The following RANBP10 variants were observed in gnomAD, a reference collection of about 807,000 sequenced individuals.
The protein encoded by RANBP10 is RAN binding protein 10, also known as ran-binding protein 10.
In RANBP10, 24 loss-of-function variants were observed where a neutral mutation model predicts 72.8. That is an observed-to-expected ratio of 0.33 (90% confidence interval 0.24 to 0.46). RANBP10 has a LOEUF of 0.46. Ranked by LOEUF, RANBP10 falls within the 20% of genes least tolerant of loss-of-function variation. RANBP10 has a pLI of 1.00. For synonymous variants in RANBP10, 310 were observed against 322.3 expected (o/e 0.96, Z 0.41); for missense variants, 679 against 817.5 (o/e 0.83, Z 2.07).
chr16:67,755,717 G>GAC (rs1157826441), intron 3 of RANBP10, among the ~76,000 whole-genome samples: 94 of 151,138 alleles, frequency 6.2e-4, no homozygotes, highest in African/African-American at 2.3e-3. Flanking sequence ...AGGACAAGTG[G>GAC]ACATGGCTGC....
intron 2 of RANBP10, among the ~76,000 whole-genome samples, chr16:67,803,590 T>C (rs1042850137): frequency 7.3e-6 from 1 of 136,394 alleles, no homozygotes; most frequent in African/African-American, 2.8e-5. Flanking sequence ...GCGGAGGTTG[T>C]GGTGAGCTGA....
At chr16:67,734,508 T>C (rs1009491253) in intron 6 of RANBP10, among the ~76,000 whole-genome samples, 4 of 152,166 alleles carry the variant, frequency 2.6e-5, no homozygotes, top group African/African-American at 9.7e-5. Flanking sequence ...ATACTCCCTA[T>C]GGTAGAAAAA....
chr16:67,735,158 C>T (rs1042640705), intron 5 of RANBP10, 116 bp from the exon 6 acceptor site: 36 of 1,057,346 alleles, frequency 3.4e-5, no homozygotes, highest in Non-Finnish European at 4.7e-5. Flanking sequence ...TGCAGCAAGG[C>T]TGGAGGAGGC....
intron 3 of RANBP10, among the ~76,000 whole-genome samples, chr16:67,754,346 C>CT (rs1370301646): frequency 3.3e-5 from 5 of 152,166 alleles, no homozygotes; most frequent in Admixed American, 1.3e-4. Context: ...GGACAGAAAA[C>CT]TTTGAGTGAA....
chr16:67,802,576 T>A (rs532305050), intron 2 of RANBP10, among the ~76,000 whole-genome samples: 5 of 152,052 alleles, frequency 3.3e-5, no homozygotes, highest in Non-Finnish European at 7.4e-5. Flanking sequence ...AAGTAGAGGT[T>A]GCAATGAGCC....
intron 3 of RANBP10, among the ~76,000 whole-genome samples, chr16:67,750,871 A>G (rs1374279017): frequency 7.1e-6 from 1 of 141,448 alleles, no homozygotes; most frequent in African/African-American, 2.7e-5. Flanking sequence ...GGTTCACGCC[A>G]TTCTCCTGCC....
intron 2 of RANBP10, among the ~76,000 whole-genome samples, chr16:67,781,469 T>C (rs1478826666): frequency 2.6e-5 from 4 of 152,142 alleles, no homozygotes; most frequent in African/African-American, 9.7e-5. Context: ...AACACTTCTC[T>C]ACCAGGGCCT....
intron 4 of RANBP10, among the ~76,000 whole-genome samples, chr16:67,740,533 T>C (rs2053949327): frequency 6.6e-6 from 1 of 152,048 alleles, no homozygotes; most frequent in Admixed American, 6.6e-5. Context: ...CCCTGCAAAA[T>C]AGAACAGGGT....
At chr16:67,757,075 G>C (rs1025622922) in intron 3 of RANBP10, among the ~76,000 whole-genome samples, 4 of 152,240 alleles carry the variant, frequency 2.6e-5, no homozygotes, top group African/African-American at 9.6e-5. Context: ...GGGCGTGGTG[G>C]CGCGTGCCTG....
At chr16:67,794,416 GAC>G (rs2055087949) in intron 2 of RANBP10, among the ~76,000 whole-genome samples, 1 of 151,316 alleles carries the variant, frequency 6.6e-6, no homozygotes, top group Non-Finnish European at 1.5e-5. Flanking sequence ...CAGCCTGGGT[GAC>G]ACAGCGAGAC....
intron 2 of RANBP10, among the ~76,000 whole-genome samples, 188 bp downstream of exon 2, chr16:67,805,240 A>G (rs1175782731): frequency 6.6e-6 from 1 of 152,146 alleles, no homozygotes; most frequent in Admixed American, 6.6e-5. Context: ...TTTACCCCCA[A>G]CACACCCACT....
chr16:67,738,791 C>T lies in RANBP10; in HGVS notation c.569-756G>A, dbSNP rs1173832026. 2.0e-5 allele frequency: 3 copies of T among 152,264 alleles called. No homozygotes were observed. The East Asian group carries it at 5.8e-4, about 30-fold the overall frequency. The allele number at this position is 152,264 out of a possible 1,614,324, so 9.4% of individuals were successfully genotyped here. On this transcript the variant is annotated intron_variant, in intron 4 of 13. Coordinates refer to ENST00000317506, the MANE Select transcript of RANBP10 (RefSeq NM_020850.3). The stretch of plus-strand genomic sequence containing the variant: ...TTTAATTAGACCATGGCCTTCTCTT[C>T]ACTGGCGGCCTGGCCAGAAGTGAAA...
At chr16:67,772,861 C>A (rs1451684234) in intron 2 of RANBP10, among the ~76,000 whole-genome samples, 1 of 152,196 alleles carries the variant, frequency 6.6e-6, no homozygotes, top group Admixed American at 6.5e-5. Context: ...TCCCCTTAGA[C>A]AATCCACTCA....
At chr16:67,743,279 C>T (rs2054003939) in intron 4 of RANBP10, among the ~76,000 whole-genome samples, 1 of 152,224 alleles carries the variant, frequency 6.6e-6, no homozygotes, top group Non-Finnish European at 1.5e-5. Context: ...CCTTTCCTGG[C>T]AGAGCTGCTG....
intron 2 of RANBP10, among the ~76,000 whole-genome samples, chr16:67,774,704 G>A (rs1378856647): frequency 1.3e-5 from 2 of 152,174 alleles, no homozygotes; most frequent in Non-Finnish European, 2.9e-5. Context: ...ATTCCAATGA[G>A]GTCACAGCTG....
chr16:67,765,238 A>G (rs1291755880), intron 3 of RANBP10, among the ~76,000 whole-genome samples: 4 of 151,568 alleles, frequency 2.6e-5, no homozygotes, highest in African/African-American at 9.7e-5. Flanking sequence ...ACATTAAAAA[A>G]TAAATTAGCC....
chr16:67,764,617 C>T (rs1172577650), intron 3 of RANBP10, among the ~76,000 whole-genome samples: 2 of 152,234 alleles, frequency 1.3e-5, no homozygotes, highest in Non-Finnish European at 2.9e-5. Context: ...TCCCATAGGG[C>T]TTGTCAATCC....
At chr16:67,728,583 A>C (rs1324175213) in intron 10 of RANBP10, 72 bp from the exon 11 acceptor site, 1 of 1,609,236 alleles carries the variant, frequency 6.2e-7, no homozygotes, top group East Asian at 2.2e-5. Context: ...GCCTCCTTTC[A>C]AGCTGTAGCC....
chr16:67,764,357 T>A (rs1413991803), intron 3 of RANBP10, among the ~76,000 whole-genome samples: 4 of 152,146 alleles, frequency 2.6e-5, no homozygotes, highest in African/African-American at 9.7e-5. Context: ...TTGGGCTGAC[T>A]CAGATAAGGG....
Sources: gnomAD v4.1 joint callset for allele counts (sites outside exome capture counted in the v4.1 genomes callset) on GRCh38, gnomAD v4.1.1 for gene constraint, MANE v1.5 for transcripts, NCBI Gene and HGNC (gene_info 2026-07-23, HGNC 2026-07-21) for gene names.